The following SRSF12 variants were observed in gnomAD, a reference collection of about 807,000 sequenced individuals.
SRSF12 encodes serine and arginine rich splicing factor 12, also known as serine/arginine-rich splicing factor 12.
In SRSF12, 21 loss-of-function variants were observed where a neutral mutation model predicts 34.1. The observed-to-expected ratio is 0.62, with a 90% CI of 0.44 to 0.89. The LOEUF is 0.89. SRSF12 is among the 40% of genes least tolerant of loss of function. The pLI is 0.00. For synonymous variants in SRSF12, 111 were observed against 110.8 expected, an observed-to-expected ratio of 1.00 and a Z score of -0.01; for missense variants, 278 against 327.8, an observed-to-expected ratio of 0.85 and a Z score of 1.17.
At chr6:89,104,424 G>A (rs1768691123) in intron 4 of SRSF12, among the ~76,000 whole-genome samples, 1 of 151,578 alleles carries the variant, frequency 6.6e-6, no homozygotes, top group African/African-American at 2.4e-5. Context: ...TTTTAGTAGA[G>A]GCGGGGTTTC....
At chr6:89,108,567 A>G (rs1768898775) in intron 1 of SRSF12, among the ~76,000 whole-genome samples, 1 of 152,194 alleles carries the variant, frequency 6.6e-6, no homozygotes, top group Non-Finnish European at 1.5e-5. Context: ...ATGATCATAA[A>G]ATGTGGCTCG....
At position 89,097,938 on chromosome 6, in the gene SRSF12, A is replaced by G. The variant is rs904201689; in HGVS notation, c.*640T>C. On this transcript the variant is annotated 3_prime_UTR_variant, in exon 5 of 5. Coordinates refer to ENST00000452027, the MANE Select transcript of SRSF12 (RefSeq NM_080743.5). ...ATTTCTCAAAAGTTCTGATATTACT[A>G]ATGTGGTCATGGTGCAGGATGCAAT... 6.6e-6 allele frequency: 1 copy of G among 152,200 alleles called. No individual in the cohort carries two copies. Among genetic ancestry groups the G allele is most frequent in the African/African-American group, 2.4e-5 (1 of 41,452 alleles). The allele number at this position is 152,200 out of a possible 1,614,324, so 9.4% of individuals were successfully genotyped here. A position where few individuals can be genotyped will look rare whatever the true frequency, so the allele number is the denominator to read the frequency against.
At position 89,117,978 on chromosome 6, in the gene SRSF12, C is replaced by G. The variant is rs1222574112; in HGVS notation, c.-91G>C. On this transcript the variant is annotated 5_prime_UTR_variant, in exon 1 of 5. Transcript: ENST00000452027. Reference sequence around the variant, plus strand: ...GCTGCTACCACCACAGGAGCTCCGCCGGCCCCCGGCGCGACCCCCACCCCT... The same window carrying G: ...GCTGCTACCACCACAGGAGCTCCGCGGGCCCCCGGCGCGACCCCCACCCCT... 129 of 1,380,478 alleles carry G rather than the reference C, an allele frequency of 9.3e-5. No individual in the cohort carries two copies. The highest frequency in any genetic ancestry group is 1.2e-4 in the Non-Finnish European group (127 of 1,027,626). 85.5% of individuals were successfully genotyped at this position (1,380,478 alleles called of 1,614,324 possible).
Position 89,098,924 on chromosome 6 carries a change from T to A in SRSF12, c.440A>T (p.Tyr147Phe). 6.2e-7 allele frequency: 1 copy of A among 1,613,670 alleles called. No individual in the cohort carries two copies. Among genetic ancestry groups the A allele is most frequent in the Non-Finnish European group, 8.5e-7 (1 of 1,179,712 alleles). The change falls in exon 5 of 5, where the codon TAT (tyrosine) becomes TTT (phenylalanine). Residue 147 changes from tyrosine (Y) to phenylalanine (F), a missense_variant. Transcript: ENST00000452027. Reference sequence around the variant, plus strand: ...TTTGGAACGAGATTTAGACTGGCTATAAGAAAATCGCCTGTGTCGAGACCT... The same window carrying A: ...TTTGGAACGAGATTTAGACTGGCTAAAAGAAAATCGCCTGTGTCGAGACCT... Reference protein sequence around the residue: ...LKESRHRRFSYSQSKSRSKSL... With the variant: ...LKESRHRRFSFSQSKSRSKSL...
At chr6:89,109,708 C>A (rs1768956266) in intron 1 of SRSF12, among the ~76,000 whole-genome samples, 1 of 152,212 alleles carries the variant, frequency 6.6e-6, no homozygotes, top group East Asian at 1.9e-4. Context: ...CACCTGTTAG[C>A]TGTTGTTTTA....
intron 4 of SRSF12, 74 bp from the exon 5 acceptor site, chr6:89,099,021 T>C: frequency 6.9e-7 from 1 of 1,447,562 alleles, no homozygotes; most frequent in Admixed American, 2.5e-5. Context: ...TTTCAGGAAC[T>C]TACATACTTT....
Position 89,105,208 on chromosome 6 carries a change from G to A in SRSF12, c.327C>T (p.His109=). ...TTTGGCTGGGGCTTCTTGATCTCCTGTGATCACTTGGAGAACAAGGATGAC... is the reference window on the plus strand; with the variant it reads ...TTTGGCTGGGGCTTCTTGATCTCCTATGATCACTTGGAGAACAAGGATGAC... The part of the protein sequence containing the change: ...KERHPCSPSD[H]RRSRSPSQRR... The change falls in exon 4 of 5, where the codon CAC becomes CAT. Residue 109 remains histidine (H), a synonymous_variant. Coordinates refer to ENST00000452027, the MANE Select transcript of SRSF12 (RefSeq NM_080743.5). 1 of 1,612,310 alleles carries A rather than the reference G, an allele frequency of 6.2e-7. No individual in the cohort carries two copies. Among genetic ancestry groups the A allele is most frequent in the Non-Finnish European group, 8.5e-7 (1 of 1,179,034 alleles).
chr6:89,109,291 G>A (rs1442105193), intron 1 of SRSF12, among the ~76,000 whole-genome samples: 3 of 152,190 alleles, frequency 2.0e-5, no homozygotes, highest in African/African-American at 4.8e-5. Context: ...GAGACTGAAG[G>A]TTAAGAATCA....
In SRSF12 at chr6:89,105,517, G is replaced by T; in HGVS notation, c.184C>A (p.Arg62=). 6.2e-7 allele frequency: 1 copy of T among 1,602,834 alleles called. No homozygotes were observed. The highest frequency in any genetic ancestry group is 1.1e-5 in the South Asian group (1 of 88,256). The part of the protein sequence containing the change: ...GFAYVQFEDV[R]DAEDALYNLN... ...TTATAAAGAGCATCTTCAGCATCTC[G>T]AACATCTTCAAATATGACTAGCTGT... The change falls in exon 3 of 5, where the codon CGA becomes AGA. Residue 62 remains arginine, a synonymous_variant. Transcript: ENST00000452027.
chr6:89,107,626 G>A (rs1768857577), intron 1 of SRSF12, among the ~76,000 whole-genome samples: 1 of 152,122 alleles, frequency 6.6e-6, no homozygotes, highest in Non-Finnish European at 1.5e-5. Context: ...AGCTACTCGG[G>A]AGGCTGAGGC....
chr6:89,104,016 T>TTTTTTTTTTTG (rs1156633258), intron 4 of SRSF12, among the ~76,000 whole-genome samples: 1 of 69,916 alleles, frequency 1.4e-5, no homozygotes. Flanking sequence ...TTTTTTTTTT[T>TTTTTTTTTTTG]TGGAGAGACG....
intron 4 of SRSF12, 127 bp from the exon 5 acceptor site, chr6:89,099,074 T>G (rs1768390083): frequency 8.4e-7 from 1 of 1,191,268 alleles, no homozygotes; most frequent in Non-Finnish European, 1.1e-6. Context: ...CTAAAAAAAT[T>G]TCTCATTTTA....
At chr6:89,116,727 A>C (rs1432897752) in intron 1 of SRSF12, among the ~76,000 whole-genome samples, 1 of 151,636 alleles carries the variant, frequency 6.6e-6, no homozygotes, top group African/African-American at 2.4e-5. Flanking sequence ...GCCAACCAAG[A>C]TCGGGCCATT....
At chr6:89,109,355 G>A (rs1768936415) in intron 1 of SRSF12, among the ~76,000 whole-genome samples, 2 of 152,008 alleles carry the variant, frequency 1.3e-5, no homozygotes, top group South Asian at 4.1e-4. Flanking sequence ...GTAGCTGCTG[G>A]GCACACAGTA....
intron 3 of SRSF12, 32 bp from the exon 4 acceptor site, chr6:89,105,292 A>G: frequency 6.3e-7 from 1 of 1,585,968 alleles, no homozygotes; most frequent in Non-Finnish European, 8.6e-7. Flanking sequence ...TTATGACATA[A>G]TTCGTTACCT....
chr6:89,115,662 G>A lies in SRSF12; in HGVS notation c.65+2161C>T, dbSNP rs555196280. 3.0e-5 allele frequency among the ~76,000 whole-genome samples: 4 copies of A among 135,134 alleles called. No homozygotes were observed. The South Asian group carries it at 9.4e-4, about 32-fold the overall frequency. 88.7% of individuals were successfully genotyped at this position (135,134 alleles called of 152,430 possible). On this transcript the variant is annotated intron_variant, in intron 1 of 4. Coordinates refer to ENST00000452027, the MANE Select transcript of SRSF12 (RefSeq NM_080743.5). ...TTTTTTTTTTTTTTTTTGAGACGGA[G>A]TCCTCGCTCTGTCTCCCAGGCTGGA...
Position 89,097,289 on chromosome 6 carries a change from T to C in SRSF12, c.*1289A>G, listed in dbSNP as rs1195943464. The C allele has an allele frequency of 2.6e-5, 4 of 152,134 alleles. No individual in the cohort carries two copies. Among genetic ancestry groups the C allele is most frequent in the Admixed American group, 2.6e-4 (4 of 15,266 alleles). 9.4% of individuals were successfully genotyped at this position (152,134 alleles called of 1,614,324 possible). ...AAGTATACAAGTAGAGCTCTATAAA[T>C]ATATCCCCTATAATAATCATATGCA... On this transcript the variant is annotated 3_prime_UTR_variant, in exon 5 of 5. Coordinates refer to ENST00000452027, the MANE Select transcript of SRSF12 (RefSeq NM_080743.5).
intron 1 of SRSF12, among the ~76,000 whole-genome samples, chr6:89,115,091 C>T (rs1425365490): frequency 2.0e-5 from 3 of 151,338 alleles, no homozygotes; most frequent in Non-Finnish European, 4.4e-5. Context: ...CCACCACGCC[C>T]GGCCACAGCT....
intron 4 of SRSF12, among the ~76,000 whole-genome samples, chr6:89,099,488 G>GTATATATATATATATATATATA (rs1260370181): frequency 7.4e-6 from 1 of 135,040 alleles, no homozygotes; most frequent in Non-Finnish European, 1.5e-5. Context: ...ATATGTGTGT[G>GTATATATATATATATATATATA]TATATATATA....
Sources: gnomAD v4.1 joint callset for allele counts (sites outside exome capture counted in the v4.1 genomes callset) on GRCh38, gnomAD v4.1.1 for gene constraint, MANE v1.5 for transcripts, NCBI Gene and HGNC (gene_info 2026-07-23, HGNC 2026-07-21) for gene names.